GYPE: variants seen among roughly 807,000 people sequenced by gnomAD.
GYPE encodes the protein glycophorin E (MNS blood group).
GYPE carries 8 observed loss-of-function variants against 11.6 expected under a neutral mutation model. That is an observed-to-expected ratio of 0.69 (90% CI 0.41 to 1.25). The LOEUF is 1.25. Ranked by LOEUF, GYPE falls within the 50% of genes most tolerant of loss-of-function variation. GYPE has a pLI of 0.01. For missense variants in GYPE, 90 were observed against 92.8 expected (o/e 0.97, Z 0.12); for synonymous variants, 28 against 29.6 (o/e 0.94, Z 0.18).
At chr4:143,901,637 TTGGG>T (rs2149917276) in intron 1 of GYPE, among the ~76,000 whole-genome samples, 1 of 18,456 alleles carries the variant, frequency 5.4e-5, no homozygotes, top group Admixed American at 1.2e-3. Flanking sequence ...ATAAGAAGGA[TTGGG>T]TTTTTTTTTT....
chr4:143,901,619 A>C (rs1156393375), intron 1 of GYPE, among the ~76,000 whole-genome samples: 1 of 137,822 alleles, frequency 7.3e-6, no homozygotes, highest in East Asian at 2.2e-4. Flanking sequence ...TGATTTTGTC[A>C]GCACCATATA....
intron 2 of GYPE, chr4:143,878,724 A>G (rs752089815): frequency 4.2e-6 from 2 of 473,378 alleles, no homozygotes; most frequent in South Asian, 3.1e-5. Context: ...AAGACGTGCA[A>G]AGAAAAAAAT....
chr4:143,876,587 A>T (rs552943591), intron 3 of GYPE, among the ~76,000 whole-genome samples, 159 bp downstream of exon 3: 1 of 152,176 alleles, frequency 6.6e-6, no homozygotes, highest in African/African-American at 2.4e-5. Context: ...AAAATAAATT[A>T]TGCTAGAGAA....
rs1007652771 is a variant in GYPE at position 143,888,834 on chromosome 4, C to CT, written c.38-8326dup. On this transcript the variant is annotated intron_variant, in intron 1 of 3. Transcript: ENST00000358615. The stretch of plus-strand genomic sequence containing the variant: ...ATACTGTCTGTGGCCATTCATTTTT[C>CT]TTTTTTGGAAGGTTTTTATTAAGCC... Among the ~76,000 whole-genome samples, 10 of 136,620 alleles carry CT rather than the reference C, an allele frequency of 7.3e-5. No homozygotes were observed. The South Asian group carries it at 2.5e-3, about 34-fold the overall frequency. 89.6% of individuals were successfully genotyped at this position (136,620 alleles called of 152,430 possible). A position where few individuals can be genotyped will look rare whatever the true frequency, so the allele number is the denominator to read the frequency against.
intron 1 of GYPE, among the ~76,000 whole-genome samples, chr4:143,895,952 A>G (rs1165512961): frequency 2.0e-5 from 3 of 151,960 alleles, no homozygotes; most frequent in African/African-American, 7.2e-5. Context: ...CTGGCTAGCC[A>G]TATGTAGAAA....
At chr4:143,896,937 C>G (rs1163757546) in intron 1 of GYPE, among the ~76,000 whole-genome samples, 1 of 148,882 alleles carries the variant, frequency 6.7e-6, no homozygotes, top group East Asian at 2.0e-4. Flanking sequence ...TGTTCTCACT[C>G]ATAGATGGGA....
intron 3 of GYPE, chr4:143,873,624 A>G (rs1244880001): frequency 3.0e-6 from 1 of 335,522 alleles, no homozygotes; most frequent in Non-Finnish European, 5.9e-6. Flanking sequence ...CAACAATTCT[A>G]GTTAATATGC....
chr4:143,874,461 A>G (rs1057030604), intron 3 of GYPE, among the ~76,000 whole-genome samples: 41 of 152,340 alleles, frequency 2.7e-4, no homozygotes, highest in African/African-American at 9.4e-4. Flanking sequence ...CATTCAAAGC[A>G]GTCACCTTGA....
chr4:143,897,025 G>A (rs996681341), intron 1 of GYPE, among the ~76,000 whole-genome samples: 8 of 151,390 alleles, frequency 5.3e-5, no homozygotes, highest in Non-Finnish European at 1.2e-4. Context: ...GGGCAGGGGG[G>A]AGGGATAGCA....
intron 3 of GYPE, among the ~76,000 whole-genome samples, chr4:143,874,939 C>G (rs1743739343): frequency 6.6e-6 from 1 of 152,150 alleles, no homozygotes; most frequent in South Asian, 2.1e-4. Flanking sequence ...TAATTAAGAT[C>G]AATGGATGCT....
intron 1 of GYPE, among the ~76,000 whole-genome samples, chr4:143,889,858 A>C (rs371049839): frequency 4.9e-4 from 74 of 152,328 alleles, no homozygotes; most frequent in African/African-American, 1.5e-3. Flanking sequence ...GAGGAAAAAA[A>C]AACATCAGAA....
intron 1 of GYPE, among the ~76,000 whole-genome samples, chr4:143,883,171 G>T (rs1226953424): frequency 6.6e-6 from 1 of 152,078 alleles, no homozygotes; most frequent in African/African-American, 2.4e-5. Flanking sequence ...AAAGTGTGTG[G>T]CACCTCCCCA....
At chr4:143,874,722 A>T (rs1273932796) in intron 3 of GYPE, among the ~76,000 whole-genome samples, 21 of 152,166 alleles carry the variant, frequency 1.4e-4, no homozygotes, top group African/African-American at 4.8e-4. Flanking sequence ...CCTTTAGTTC[A>T]ACCTGTCCTT....
rs574807014 is a variant in GYPE at position 143,891,258 on chromosome 4, T to G, written c.38-10749A>C. The stretch of plus-strand genomic sequence containing the variant: ...AGTATGACTATGTTCCAGTAATGAT[T>G]TGTGGGCAGTAGAATTTGAATTTCG... On this transcript the variant is annotated intron_variant, in intron 1 of 3. Transcript: ENST00000358615. Among the ~76,000 whole-genome samples, 82 of 152,074 alleles carry G rather than the reference T, an allele frequency of 5.4e-4. 3 individuals are homozygous for G. The South Asian group carries it at 0.017, about 31-fold the overall frequency.
chr4:143,895,757 T>C lies in GYPE; in HGVS notation c.37+9714A>G, dbSNP rs944896819. 8.0e-5 allele frequency among the ~76,000 whole-genome samples: 12 copies of C among 150,272 alleles called. 1 individual carries two copies. Among genetic ancestry groups the C allele is most frequent in the Admixed American group, 5.3e-4 (8 of 15,032 alleles). On this transcript the variant is annotated intron_variant, in intron 1 of 3. Transcript: ENST00000358615. ...CATCACGCTACCTGGCTTCAAACTATACTACAAGGCTACAGTAACCAAAAC... is the reference window on the plus strand; with the variant it reads ...CATCACGCTACCTGGCTTCAAACTACACTACAAGGCTACAGTAACCAAAAC...
In GYPE at chr4:143,905,487, A is replaced by G. The variant is rs752471433; in HGVS notation, c.21T>C (p.Phe7=). Residue 7 remains phenylalanine (F), a synonymous_variant, in exon 1 of 4, where the codon TTT becomes TTC. Transcript: ENST00000358615. Reference sequence around the variant, plus strand: ...ATCACTTACCTGACAATAGTAATACAAAGATTATTTTTCCATACATCCTGA... The same window carrying G: ...ATCACTTACCTGACAATAGTAATACGAAGATTATTTTTCCATACATCCTGA... MYGKII[F]VLLLSGIVSI... 3 of 1,613,278 alleles carry G rather than the reference A, an allele frequency of 1.9e-6. No individual in the cohort carries two copies. Among genetic ancestry groups the G allele is most frequent in the Non-Finnish European group, 2.5e-6 (3 of 1,179,354 alleles).
chr4:143,874,617 C>T (rs140702754), intron 3 of GYPE, among the ~76,000 whole-genome samples: 2,574 of 152,288 alleles, frequency 0.017, 87 homozygotes, highest in African/African-American at 0.059. Context: ...AAAGAGACCT[C>T]AGACACTCCT....
At chr4:143,875,105 G>T (rs1743744341) in intron 3 of GYPE, among the ~76,000 whole-genome samples, 1 of 152,086 alleles carries the variant, frequency 6.6e-6, no homozygotes, top group South Asian at 2.1e-4. Flanking sequence ...ACTGAATCTT[G>T]TTCTTTTCCA....
chr4:143,874,146 C>A (rs993710988), intron 3 of GYPE, among the ~76,000 whole-genome samples: 4 of 151,912 alleles, frequency 2.6e-5, no homozygotes, highest in African/African-American at 9.7e-5. Flanking sequence ...AAGTTAATGG[C>A]TTTTGTTATT....
Sources: gnomAD v4.1 joint callset for allele counts (sites outside exome capture counted in the v4.1 genomes callset) on GRCh38, gnomAD v4.1.1 for gene constraint, MANE v1.5 for transcripts, NCBI Gene and HGNC (gene_info 2026-07-23, HGNC 2026-07-21) for gene names.